CDH20: variants seen among roughly 807,000 people sequenced by gnomAD.
The protein encoded by CDH20 is cadherin 20.
In CDH20, 29 loss-of-function variants were observed where a neutral mutation model predicts 74.2. That is an observed-to-expected ratio of 0.39 (90% CI 0.29 to 0.53). The LOEUF is 0.53. CDH20 is among the 20% of genes least tolerant of loss of function. The probability of loss-of-function intolerance (pLI) is 0.69; values close to 1 mark genes in which losing one functional copy is unlikely to be tolerated. For missense variants in CDH20, 988 were observed against 1,048.3 expected (o/e 0.94, Z 0.79); for synonymous variants, 469 against 405.4 (o/e 1.16, Z -1.88).
chr18:61,403,322 G>T (rs1912218056), intron 1 of CDH20, among the ~76,000 whole-genome samples: 2 of 152,256 alleles, frequency 1.3e-5, no homozygotes, highest in South Asian at 4.1e-4. Flanking sequence ...AAGCTAAAAA[G>T]GTCAGTTTGG....
chr18:61,400,226 A>G (rs933695414), intron 1 of CDH20, among the ~76,000 whole-genome samples: 1 of 152,196 alleles, frequency 6.6e-6, no homozygotes, highest in African/African-American at 2.4e-5. Context: ...ATTCTATCAG[A>G]AGAAGAAAAC....
chr18:61,527,943 A>G (rs1308734612), intron 6 of CDH20, 24 bp from the exon 7 acceptor site: 4 of 1,612,812 alleles, frequency 2.5e-6, no homozygotes, highest in Non-Finnish European at 3.4e-6. Flanking sequence ...GTGGCGAATC[A>G]ATTTTCCTGT....
intron 5 of CDH20, among the ~76,000 whole-genome samples, chr18:61,507,158 T>C (rs1297144789): frequency 6.6e-6 from 1 of 152,236 alleles, no homozygotes; most frequent in African/African-American, 2.4e-5. Context: ...GAAGCCTTTT[T>C]GACTCCTCCT....
intron 1 of CDH20, among the ~76,000 whole-genome samples, chr18:61,419,023 T>A (rs7238083): frequency 0.034 from 5,111 of 152,254 alleles, 312 homozygotes; most frequent in African/African-American, 0.12. Context: ...CTGCATGGTA[T>A]TCCATAGCTA....
At chr18:61,538,602 G>GTTTTTTTT (rs1227502362) in intron 8 of CDH20, among the ~76,000 whole-genome samples, 6 of 50,438 alleles carry the variant, frequency 1.2e-4, no homozygotes, top group African/African-American at 3.7e-4. Flanking sequence ...GTTTGTTTTT[G>GTTTTTTTT]TTTTTGTTTT....
At chr18:61,336,825 G>GT (rs1909778453) in intron 1 of CDH20, among the ~76,000 whole-genome samples, 1 of 149,898 alleles carries the variant, frequency 6.7e-6, no homozygotes, top group African/African-American at 2.5e-5. Flanking sequence ...TATGGGGGGG[G>GT]GTGATGAGAA....
At chr18:61,337,541 A>C (rs1005356711) in intron 1 of CDH20, among the ~76,000 whole-genome samples, 2 of 152,312 alleles carry the variant, frequency 1.3e-5, no homozygotes, top group Middle Eastern at 6.8e-3. Context: ...ACAGTGATTA[A>C]TCTTTCACAT....
intron 1 of CDH20, chr18:61,391,659 C>T (rs1182225452): frequency 6.6e-6 from 1 of 152,040 alleles, no homozygotes; most frequent in Non-Finnish European, 1.5e-5. Context: ...AGCATGGCCC[C>T]TGCGCAAAGA....
chr18:61,369,978 T>A (rs1242246792), intron 1 of CDH20, among the ~76,000 whole-genome samples: 2 of 152,090 alleles, frequency 1.3e-5, no homozygotes, highest in Admixed American at 6.6e-5. Flanking sequence ...GCTTAATACT[T>A]GGATGATGAA....
chr18:61,467,073 G>C (rs1909986362), intron 1 of CDH20, among the ~76,000 whole-genome samples: 1 of 152,132 alleles, frequency 6.6e-6, no homozygotes, highest in Non-Finnish European at 1.5e-5. Context: ...TTTAAGGATG[G>C]AAGGTCAGTT....
At chr18:61,340,283 C>T (rs1036120456) in intron 1 of CDH20, among the ~76,000 whole-genome samples, 1 of 135,860 alleles carries the variant, frequency 7.4e-6, no homozygotes, top group African/African-American at 2.7e-5. Context: ...TAGCATTTTC[C>T]CAGAGAACAG....
chr18:61,486,213 C>T (rs576129822), intron 1 of CDH20, among the ~76,000 whole-genome samples: 1 of 152,274 alleles, frequency 6.6e-6, no homozygotes, highest in Non-Finnish European at 1.5e-5. Flanking sequence ...GCATATAAAA[C>T]CATACTATCC....
Position 61,539,038 on chromosome 18 carries a change from G to A in CDH20, c.1423G>A (p.Val475Ile), listed in dbSNP as rs1268375592. 8 of 1,613,964 alleles carry A rather than the reference G, an allele frequency of 5.0e-6. No homozygotes were observed. Among genetic ancestry groups the A allele is most frequent in the South Asian group, 1.1e-5 (1 of 91,076 alleles). Reference sequence around the variant, plus strand: ...GTTCCCTTTAGACAATCCCTCCCAGGTTGGAAGTGTTCCTGTCACAATCAA... The same window carrying A: ...GTTCCCTTTAGACAATCCCTCCCAGATTGGAAGTGTTCCTGTCACAATCAA... ...LAMEMNNPSQ[V>I]GSVPVTIKVL... The change falls in exon 9 of 12, where the codon GTT becomes ATT. Residue 475 changes from valine (V) to isoleucine (I), a missense_variant. This residue lies in a region of CDH20 where 613 missense variants were observed against 755.2 expected (regional missense o/e 0.81). Transcript: ENST00000262717.
intron 1 of CDH20, among the ~76,000 whole-genome samples, chr18:61,360,159 C>CTG (rs1211414040): frequency 6.6e-6 from 1 of 152,148 alleles, no homozygotes; most frequent in East Asian, 1.9e-4. Flanking sequence ...CAATGGGTTA[C>CTG]TGTGGAGCCT....
chr18:61,334,266 GCA>G (rs1460670893), intron 1 of CDH20: 3 of 152,144 alleles, frequency 2.0e-5, no homozygotes, highest in African/African-American at 7.2e-5. Context: ...CGCGTCCCTC[GCA>G]CAGAGATGTG....
At chr18:61,428,755 T>A (rs1397456498) in intron 1 of CDH20, among the ~76,000 whole-genome samples, 1 of 152,184 alleles carries the variant, frequency 6.6e-6, no homozygotes, top group Admixed American at 6.5e-5. Context: ...TGAAACAGAC[T>A]TTTCCCTCTG....
intron 1 of CDH20, among the ~76,000 whole-genome samples, chr18:61,468,015 C>T (rs993835427): frequency 1.3e-5 from 2 of 151,952 alleles, no homozygotes; most frequent in African/African-American, 4.8e-5. Context: ...AGGTTAAGTA[C>T]TTGCCCAAGT....
intron 1 of CDH20, among the ~76,000 whole-genome samples, chr18:61,412,876 T>A (rs957203894): frequency 1.3e-5 from 2 of 152,182 alleles, no homozygotes; most frequent in Non-Finnish European, 2.9e-5. Flanking sequence ...TACACACAAG[T>A]ATGTGAACAA....
intron 1 of CDH20, among the ~76,000 whole-genome samples, chr18:61,486,142 G>C (rs890802079): frequency 2.6e-5 from 4 of 152,144 alleles, no homozygotes; most frequent in Non-Finnish European, 5.9e-5. Flanking sequence ...ATAGAGTACA[G>C]AAGAAATAAG....
Sources: gnomAD v4.1 joint callset for allele counts (sites outside exome capture counted in the v4.1 genomes callset) on GRCh38, gnomAD v4.1.1 for gene constraint, gnomAD v4.1.1 regional missense constraint, MANE v1.5 for transcripts, NCBI Gene and HGNC (gene_info 2026-07-23, HGNC 2026-07-21) for gene names.